The following SLC17A5 variants were observed in gnomAD, a reference collection of about 807,000 sequenced individuals.
The protein encoded by SLC17A5 is solute carrier family 17 member 5.
A neutral mutation model predicts 59.4 loss-of-function variants in SLC17A5; 47 were observed. The observed-to-expected ratio is 0.79, with a 90% CI of 0.63 to 1.01. The LOEUF (loss-of-function observed/expected upper bound fraction) is 1.01, where lower values mean the gene tolerates loss of function less well. SLC17A5 is among the 50% of genes least tolerant of loss of function. SLC17A5 has a pLI of 0.00. For missense variants in SLC17A5, 522 were observed against 595.5 expected, an observed-to-expected ratio of 0.88 and a Z score of 1.28; for synonymous variants, 202 against 210.7, an observed-to-expected ratio of 0.96 and a Z score of 0.36.
intron 9 of SLC17A5, among the ~76,000 whole-genome samples, chr6:73,602,483 A>G (rs928124239): frequency 1.5e-4 from 22 of 151,722 alleles, no homozygotes; most frequent in Admixed American, 4.6e-4. Flanking sequence ...AAACATTAAC[A>G]TTAGAGGAAG....
Position 73,636,307 on chromosome 6 carries a change from A to C in SLC17A5, c.700+314T>G, listed in dbSNP as rs1581983064. Among the ~76,000 whole-genome samples, 5 of 152,208 alleles carry C rather than the reference A, an allele frequency of 3.3e-5. No individual in the cohort carries two copies. The East Asian group carries it at 9.6e-4, about 29-fold the overall frequency. ...AGAAAAAAAAAAAAAAAACATTAAA[A>C]CTACCAAGTGAGAACATCCTACTTT... On this transcript the variant is annotated intron_variant, in intron 5 of 10. Transcript: ENST00000355773.
chr6:73,608,663 T>C (rs1013027338), intron 9 of SLC17A5, among the ~76,000 whole-genome samples: 6 of 152,226 alleles, frequency 3.9e-5, no homozygotes, highest in African/African-American at 1.2e-4. Context: ...AACTATTTCT[T>C]GCCAAAACTC....
In SLC17A5 at chr6:73,610,440, A is replaced by T; in HGVS notation, c.1219T>A (p.Ser407Thr). The T allele has an allele frequency of 6.2e-7, 1 of 1,614,186 alleles. No homozygotes were observed. The highest frequency in any genetic ancestry group is 8.5e-7 in the Non-Finnish European group (1 of 1,180,038). Residue 407 changes from serine to threonine, a missense_variant, in exon 9 of 11, where the codon TCT (serine) becomes ACT (threonine). This residue lies in a region of SLC17A5 where 153 missense variants were observed against 168.5 expected (regional missense o/e 0.91). Coordinates refer to ENST00000355773, the MANE Select transcript of SLC17A5 (RefSeq NM_012434.5). ...AGATGGTTGATGCTAAATCCAGAAG[A>T]GCAAAAGCCTCCCAGTGTTGTTGAT... is the stretch of plus-strand genomic sequence containing the variant. ...TISTTLGGFC[S>T]SGFSINHLDI...
intron 9 of SLC17A5, among the ~76,000 whole-genome samples, chr6:73,601,446 G>T (rs1251618153): frequency 7.3e-6 from 1 of 137,818 alleles, no homozygotes; most frequent in Admixed American, 7.2e-5. Context: ...CAGCCGCCCC[G>T]TCCGGGAGGG....
intron 8 of SLC17A5, among the ~76,000 whole-genome samples, chr6:73,614,078 C>A (rs1767745294): frequency 6.6e-6 from 1 of 152,130 alleles, no homozygotes; most frequent in African/African-American, 2.4e-5. Flanking sequence ...CCAGCCTGGA[C>A]AACGTGGTGA....
intron 6 of SLC17A5, among the ~76,000 whole-genome samples, chr6:73,622,323 A>C (rs1346856939): frequency 6.8e-6 from 1 of 147,820 alleles, no homozygotes; most frequent in Admixed American, 6.8e-5. Context: ...CTTTTTTGAG[A>C]CAAGTTTCAC....
chr6:73,635,405 T>G lies in SLC17A5; in HGVS notation c.796A>C (p.Ile266Leu). 6.3e-7 allele frequency: 1 copy of G among 1,583,076 alleles called. No individual in the cohort carries two copies. Among genetic ancestry groups the G allele is most frequent in the Non-Finnish European group, 8.7e-7 (1 of 1,153,216 alleles). Residue 266 changes from isoleucine (I) to leucine (L), a missense_variant, in exon 6 of 11, where the codon ATT becomes CTT. Ile to Leu is a conservative substitution (Grantham distance 5). Around this residue, in one of 3 missense-constraint regions of SLC17A5, gnomAD observed 338 missense variants for 363.8 expected, o/e 0.93. Coordinates refer to ENST00000355773, the MANE Select transcript of SLC17A5 (RefSeq NM_012434.5). The part of the protein sequence containing the change: ...KRISHYEKEY[I>L]LSSLRNQLSS... ...ACCTGATTTCTTAATGATGAAAGAA[T>G]GTATTCCTTTTCATAATGGGAAATT...
chr6:73,637,001 A>G (rs1247510776), intron 4 of SLC17A5, among the ~76,000 whole-genome samples: 1 of 151,998 alleles, frequency 6.6e-6, no homozygotes, highest in East Asian at 1.9e-4. Flanking sequence ...TTGAGGTGGG[A>G]CGATCGCTTC....
At chr6:73,623,854 T>C (rs1768277010) in intron 6 of SLC17A5, among the ~76,000 whole-genome samples, 1 of 151,498 alleles carries the variant, frequency 6.6e-6, no homozygotes, top group African/African-American at 2.4e-5. Context: ...CGTGCCACCA[T>C]GTCTGGCAAA....
chr6:73,596,182 G>C (rs1766791188), intron 10 of SLC17A5, among the ~76,000 whole-genome samples: 1 of 152,050 alleles, frequency 6.6e-6, no homozygotes, highest in African/African-American at 2.4e-5. Flanking sequence ...TCAATAAAAA[G>C]TGTACTGGCA....
intron 6 of SLC17A5, among the ~76,000 whole-genome samples, chr6:73,622,500 C>T (rs896580329): frequency 6.6e-5 from 10 of 152,066 alleles, no homozygotes; most frequent in African/African-American, 2.4e-4. Flanking sequence ...CGGGGTTTCA[C>T]CATGTTGGTT....
At chr6:73,597,207 C>T (rs1038254483) in intron 10 of SLC17A5, among the ~76,000 whole-genome samples, 2 of 151,788 alleles carry the variant, frequency 1.3e-5, no homozygotes, top group Non-Finnish European at 2.9e-5. Context: ...GTGGCTTACG[C>T]CTGTAATCCT....
intron 7 of SLC17A5, among the ~76,000 whole-genome samples, chr6:73,616,576 C>T (rs1427632840): frequency 8.7e-6 from 1 of 114,946 alleles, no homozygotes; most frequent in Non-Finnish European, 1.8e-5. Context: ...CACACACACA[C>T]ACACGTTTAT....
chr6:73,634,968 T>C (rs1768926004), intron 6 of SLC17A5, among the ~76,000 whole-genome samples: 1 of 152,176 alleles, frequency 6.6e-6, no homozygotes, highest in African/African-American at 2.4e-5. Context: ...TGATAATCAC[T>C]ACACTAAAAG....
chr6:73,624,360 C>T (rs1407852576), intron 6 of SLC17A5, among the ~76,000 whole-genome samples: 6 of 152,108 alleles, frequency 3.9e-5, no homozygotes, highest in Non-Finnish European at 8.8e-5. Context: ...GCTGAGATCA[C>T]GCTACTGCAC....
Position 73,594,711 on chromosome 6 carries a change from T to G in SLC17A5, c.*366A>C. On this transcript the variant is annotated 3_prime_UTR_variant, in exon 11 of 11. Coordinates refer to ENST00000355773, the MANE Select transcript of SLC17A5 (RefSeq NM_012434.5). Reference sequence around the variant, plus strand: ...TATGAGGAAAGTGAACAACAACAGGTGTTTATCAGTACCTGAGAATTATCA... The same window carrying G: ...TATGAGGAAAGTGAACAACAACAGGGGTTTATCAGTACCTGAGAATTATCA... The G allele has an allele frequency of 3.6e-6, 1 of 276,558 alleles. No individual in the cohort carries two copies. The highest frequency in any genetic ancestry group is 3.9e-5 in the South Asian group (1 of 25,498). 17.1% of individuals were successfully genotyped at this position (276,558 alleles called of 1,614,324 possible).
intron 1 of SLC17A5, among the ~76,000 whole-genome samples, chr6:73,651,603 C>T (rs1055044457): frequency 4.6e-5 from 7 of 151,140 alleles, no homozygotes; most frequent in Admixed American, 4.6e-4. Context: ...AGTGCAGGGG[C>T]GTGATCTCGG....
Position 73,653,921 on chromosome 6 carries a change from C to T in SLC17A5, c.-35G>A. On this transcript the variant is annotated 5_prime_UTR_variant, in exon 1 of 11. Coordinates refer to ENST00000355773, the MANE Select transcript of SLC17A5 (RefSeq NM_012434.5). ...GTGAGCAGGTGTACTCGCCACCTGG[C>T]AGAGAAGGGAGCGCCGGCCCGACAG... The T allele has an allele frequency of 1.9e-6, 3 of 1,554,370 alleles. No individual in the cohort carries two copies. The highest frequency in any genetic ancestry group is 2.6e-6 in the Non-Finnish European group (3 of 1,142,320).
chr6:73,612,235 T>C (rs1767666594), intron 8 of SLC17A5, among the ~76,000 whole-genome samples: 1 of 151,976 alleles, frequency 6.6e-6, no homozygotes, highest in Non-Finnish European at 1.5e-5. Flanking sequence ...AAATCTTGGC[T>C]CACTGCAACC....
Sources: allele counts gnomAD v4.1 joint callset (sites outside exome capture counted in the v4.1 genomes callset), GRCh38; gene constraint gnomAD v4.1.1; regional missense constraint gnomAD v4.1.1; transcripts MANE v1.5; gene names NCBI Gene and HGNC (gene_info 2026-07-23, HGNC 2026-07-21).